The following INPP5A variants were observed in gnomAD, a reference collection of about 807,000 sequenced individuals.
INPP5A encodes the protein inositol polyphosphate-5-phosphatase A.
Under a neutral mutation model 65.2 loss-of-function variants are expected in INPP5A, and 14 were observed. The ratio of observed to expected loss-of-function variants is 0.21; its 90% CI spans 0.14 to 0.34. INPP5A has a LOEUF of 0.34. Ranked by LOEUF, INPP5A falls within the 10% of genes least tolerant of loss-of-function variation. The pLI is 1.00. For synonymous variants in INPP5A, 207 were observed against 208.3 expected (o/e 0.99, Z 0.05); for missense variants, 431 against 545.6 (o/e 0.79, Z 2.09).
At chr10:132,645,133 G>T (rs1450245306) in intron 2 of INPP5A, among the ~76,000 whole-genome samples, 1 of 151,934 alleles carries the variant, frequency 6.6e-6, no homozygotes, top group African/African-American at 2.4e-5. Context: ...GACAGATTCA[G>T]CACGCTGCAG....
intron 3 of INPP5A, among the ~76,000 whole-genome samples, chr10:132,646,269 G>T (rs374379634): frequency 2.0e-5 from 3 of 152,330 alleles, no homozygotes; most frequent in South Asian, 2.1e-4. Context: ...CCGTGTGTGT[G>T]TGTCTGAGGC....
intron 12 of INPP5A, among the ~76,000 whole-genome samples, chr10:132,777,264 C>T (rs969236126): frequency 6.6e-5 from 10 of 152,368 alleles, no homozygotes; most frequent in African/African-American, 2.2e-4. Context: ...CCTGCACTTA[C>T]AGGCGTTTCG....
chr10:132,722,402 A>G (rs1845900475), intron 8 of INPP5A, among the ~76,000 whole-genome samples: 1 of 152,144 alleles, frequency 6.6e-6, no homozygotes, highest in African/African-American at 2.4e-5. Flanking sequence ...TTGGGGGAAA[A>G]AAAACTAGCC....
rs541110190 is a variant in INPP5A at position 132,653,785 on chromosome 10, G to C, written c.306+3280G>C. On this transcript the variant is annotated intron_variant, in intron 4 of 15. Coordinates refer to ENST00000368594, the MANE Select transcript of INPP5A (RefSeq NM_005539.5). Reference sequence around the variant, plus strand: ...TCAAAATCTGTGAGATGCCAAAATAGTCTGCACCCGCTGCAGATCGTACGG... The same window carrying C: ...TCAAAATCTGTGAGATGCCAAAATACTCTGCACCCGCTGCAGATCGTACGG... Among the ~76,000 whole-genome samples the C allele has an allele frequency of 6.6e-5, 10 of 152,346 alleles. No individual in the cohort carries two copies. In the East Asian group the frequency reaches 1.9e-3, roughly 29 times the overall value.
At chr10:132,774,387 C>T (rs774719171) in intron 12 of INPP5A, among the ~76,000 whole-genome samples, 45 of 152,258 alleles carry the variant, frequency 3.0e-4, no homozygotes, top group South Asian at 8.3e-4. Context: ...TTTAACCAGG[C>T]GGGAGTCAGA....
chr10:132,745,562 C>G (rs375529950), intron 9 of INPP5A, among the ~76,000 whole-genome samples: 1 of 151,392 alleles, frequency 6.6e-6, no homozygotes. Flanking sequence ...CATGTCACGG[C>G]TGGCACTGGC....
intron 2 of INPP5A, among the ~76,000 whole-genome samples, chr10:132,615,027 G>A (rs1043621696): frequency 2.0e-5 from 3 of 152,242 alleles, no homozygotes; most frequent in Admixed American, 6.5e-5. Context: ...CCCGTGACGC[G>A]TCCAGCGTTG....
chr10:132,754,269 C>T (rs546677334), intron 11 of INPP5A, among the ~76,000 whole-genome samples: 4 of 152,360 alleles, frequency 2.6e-5, no homozygotes, highest in South Asian at 2.1e-4. Flanking sequence ...GGGTAAAGAC[C>T]GCGTGTTTGG....
intron 8 of INPP5A, among the ~76,000 whole-genome samples, chr10:132,716,419 G>A (rs1301061686): frequency 6.6e-6 from 1 of 152,200 alleles, no homozygotes; most frequent in African/African-American, 2.4e-5. Flanking sequence ...ACATGTCATC[G>A]CCTGTGACCA....
chr10:132,629,302 C>G (rs1181530448), intron 2 of INPP5A, among the ~76,000 whole-genome samples: 2 of 152,222 alleles, frequency 1.3e-5, no homozygotes, highest in African/African-American at 4.8e-5. Flanking sequence ...TGAGGGAACC[C>G]CAGCTCTGTT....
rs886866611 is a variant in INPP5A at position 132,575,654 on chromosome 10, C to G, written c.76-32261C>G. On this transcript the variant is annotated intron_variant, in intron 1 of 15. Transcript: ENST00000368594. This position sits in a 1 kb window ranked among gnomAD's most constrained non-coding sequence, Gnocchi z 5.4. ...AATCCGTAAACAGTGTTTATCTTGG[C>G]GAGGAGGAATCCTGCACCAGCTTAG... 6.6e-6 allele frequency among the ~76,000 whole-genome samples: 1 copy of G among 152,148 alleles called. No individual in the cohort carries two copies. The highest frequency in any genetic ancestry group is 2.4e-5 in the African/African-American group (1 of 41,434).
chr10:132,756,983 CAA>C (rs1846633511), intron 11 of INPP5A, among the ~76,000 whole-genome samples: 1 of 151,956 alleles, frequency 6.6e-6, no homozygotes, highest in African/African-American at 2.4e-5. Flanking sequence ...AAAGAATAGG[CAA>C]AAAGTTTATA....
rs752021781 is a variant in INPP5A, at chr10:132,697,665, G to A, written c.371-151G>A. On this transcript the variant is annotated intron_variant, in intron 5 of 15. Transcript: ENST00000368594. This position sits in a 1 kb window ranked among gnomAD's most constrained non-coding sequence, Gnocchi z 5.6. ...GGAGTAGCCGGCCCGCTGGGGGTCT[G>A]TTCTGGGTCGGACCCCTCATCAGGG... is the stretch of plus-strand genomic sequence containing the variant. 6.5e-6 allele frequency: 4 copies of A among 615,128 alleles called. No individual in the cohort carries two copies. The highest frequency in any genetic ancestry group is 2.8e-5 in the East Asian group (1 of 35,822). 38.1% of individuals were successfully genotyped at this position (615,128 alleles called of 1,614,324 possible). A position where few individuals can be genotyped will look rare whatever the true frequency, so the allele number is the denominator to read the frequency against.
intron 2 of INPP5A, among the ~76,000 whole-genome samples, chr10:132,610,018 C>T (rs2071920838): frequency 6.6e-6 from 1 of 152,238 alleles, no homozygotes; most frequent in Non-Finnish European, 1.5e-5. Context: ...GCGGCAGCCC[C>T]GCAGGAGCAG....
intron 2 of INPP5A, among the ~76,000 whole-genome samples, chr10:132,631,847 T>C (rs2072279282): frequency 6.6e-6 from 1 of 152,208 alleles, no homozygotes; most frequent in Non-Finnish European, 1.5e-5. Flanking sequence ...ACCCATGTGG[T>C]TTTATTGACT....
intron 4 of INPP5A, among the ~76,000 whole-genome samples, chr10:132,673,307 G>A (rs973658602): frequency 6.6e-6 from 1 of 152,208 alleles, no homozygotes; most frequent in African/African-American, 2.4e-5. Flanking sequence ...GGAACAGGAA[G>A]CAAAACTTTT....
intron 1 of INPP5A, among the ~76,000 whole-genome samples, chr10:132,582,782 C>T (rs1041488388): frequency 7.9e-5 from 12 of 152,158 alleles, no homozygotes; most frequent in Admixed American, 5.2e-4. Context: ...TTTCTGGATT[C>T]GCTATTCTGC....
At position 132,726,314 on chromosome 10, in the gene INPP5A, C is replaced by CG. The variant is rs551691691; in HGVS notation, c.648-502dup. Reference sequence around the variant, plus strand: ...GACATCCCTGTCTGGGAGGAGAGAGCGGGGGCTCCGGTTCCTGCCGGTTCA... The same window carrying CG: ...GACATCCCTGTCTGGGAGGAGAGAGCGGGGGGCTCCGGTTCCTGCCGGTTCA... On this transcript the variant is annotated intron_variant, in intron 8 of 15. Transcript: ENST00000368594. 8.9e-4 allele frequency among the ~76,000 whole-genome samples: 135 copies of CG among 152,328 alleles called. No individual in the cohort carries two copies. In the Middle Eastern group the frequency reaches 0.01, roughly 12 times the overall value.
At chr10:132,670,087 A>G (rs1246222489) in intron 4 of INPP5A, among the ~76,000 whole-genome samples, 1 of 119,870 alleles carries the variant, frequency 8.3e-6, no homozygotes, top group African/African-American at 3.3e-5. Context: ...TCAGCTTCCA[A>G]TCCCTAAACC....
Sources: allele counts gnomAD v4.1 joint callset (sites outside exome capture counted in the v4.1 genomes callset), GRCh38; gene constraint gnomAD v4.1.1; non-coding constraint Gnocchi (gnomAD v3.1); transcripts MANE v1.5; gene names NCBI Gene and HGNC (gene_info 2026-07-23, HGNC 2026-07-21).